HS6ST2: variants seen among roughly 807,000 people sequenced by gnomAD.
HS6ST2 encodes heparan-sulfate 6-O-sulfotransferase 2.
HS6ST2 carries 17 observed loss-of-function variants against 33.0 expected under a neutral mutation model. The observed-to-expected ratio is 0.52, with a 90% CI of 0.35 to 0.77. The LOEUF (loss-of-function observed/expected upper bound fraction) is 0.77, where lower values mean the gene tolerates loss of function less well. HS6ST2 is among the 30% of genes least tolerant of loss of function. HS6ST2 has a pLI of 0.01. For missense variants in HS6ST2, 519 were observed against 551.7 expected, an observed-to-expected ratio of 0.94 and a Z score of 0.59; for synonymous variants, 248 against 237.1, an observed-to-expected ratio of 1.05 and a Z score of -0.42.
chrX:132,649,596 G>A (rs911703497), intron 4 of HS6ST2, among the ~76,000 whole-genome samples: 13 of 112,375 alleles, frequency 1.2e-4, no homozygotes, highest in Non-Finnish European at 2.1e-4. Flanking sequence ...GGTGGCTCAC[G>A]CCTGTAATCC....
intron 4 of HS6ST2, among the ~76,000 whole-genome samples, chrX:132,638,533 G>A (rs925621400): frequency 8.9e-6 from 1 of 112,297 alleles, no homozygotes; most frequent in Non-Finnish European, 1.9e-5. Context: ...TTTACCTAGT[G>A]AGAAGAGTGA....
intron 3 of HS6ST2, among the ~76,000 whole-genome samples, chrX:132,703,939 A>C (rs1031022050): frequency 8.9e-6 from 1 of 112,249 alleles, no homozygotes; most frequent in African/African-American, 3.2e-5. Flanking sequence ...ATAACAAAAA[A>C]AAATGTATTA....
intron 2 of HS6ST2, among the ~76,000 whole-genome samples, chrX:132,799,900 C>G (rs1406201463): frequency 8.9e-6 from 1 of 112,147 alleles, no homozygotes; most frequent in Non-Finnish European, 1.9e-5. Flanking sequence ...AATGATTTAT[C>G]TGCTTCTCTC....
intron 2 of HS6ST2, among the ~76,000 whole-genome samples, chrX:132,787,953 T>C (rs1178965127): frequency 9.0e-6 from 1 of 111,601 alleles, no homozygotes; most frequent in African/African-American, 3.3e-5. Flanking sequence ...CCATCATTCA[T>C]TCATTCATCC....
At chrX:132,871,548 A>T in intron 2 of HS6ST2, among the ~76,000 whole-genome samples, 1 of 112,250 alleles carries the variant, frequency 8.9e-6, no homozygotes, top group Non-Finnish European at 1.9e-5. Flanking sequence ...CATCAATGAC[A>T]GACTGGATAA....
In HS6ST2 at chrX:132,924,629, A is replaced by T. The variant is rs866698626; in HGVS notation, c.947+32179T>A. Among the ~76,000 whole-genome samples, 11 of 111,240 alleles carry T rather than the reference A, an allele frequency of 9.9e-5. No individual in the cohort carries two copies. In the South Asian group the frequency reaches 2.7e-3, roughly 27 times the overall value. On this transcript the variant is annotated intron_variant, in intron 2 of 4. Coordinates refer to ENST00000370833, the MANE Select transcript of HS6ST2 (RefSeq NM_001394073.1). ...GGTTGCCAAGGGAACCAACCATGTG[A>T]TTAGAGGGTTGAAACTTTCAGCCAG...
rs2063491129 is a variant in HS6ST2, at chrX:132,628,091, C to A, written c.*132G>T. Reference sequence around the variant, plus strand: ...CTGAATTGAAAGGCAACTGTAAAGGCAACATCTAAACTTTTTTTTAAAACT... The same window carrying A: ...CTGAATTGAAAGGCAACTGTAAAGGAAACATCTAAACTTTTTTTTAAAACT... On this transcript the variant is annotated 3_prime_UTR_variant, in exon 5 of 5. Transcript: ENST00000370833. The A allele has an allele frequency of 2.1e-6, 1 of 478,434 alleles. No homozygotes were observed. The highest frequency in any genetic ancestry group is 3.5e-6 in the Non-Finnish European group (1 of 284,000). The allele number at this position is 478,434 out of a possible 1,213,427, so 39.4% of individuals were successfully genotyped here. A position where few individuals can be genotyped will look rare whatever the true frequency, so the allele number is the denominator to read the frequency against.
In HS6ST2 at chrX:132,846,482, C is replaced by T. The variant is rs181358316; in HGVS notation, c.947+110326G>A. Among the ~76,000 whole-genome samples, 5 of 112,055 alleles carry T rather than the reference C, an allele frequency of 4.5e-5. No individual in the cohort carries two copies. In the East Asian group the frequency reaches 1.1e-3, roughly 25 times the overall value. Reference sequence around the variant, plus strand: ...GCCAATGTGGTCATTAAGTCAGCAACTCTAGCATTGTTTGGCCTGATACAG... The same window carrying T: ...GCCAATGTGGTCATTAAGTCAGCAATTCTAGCATTGTTTGGCCTGATACAG... On this transcript the variant is annotated intron_variant, in intron 2 of 4. Transcript: ENST00000370833.
At chrX:132,933,654 C>T (rs1602896086) in intron 2 of HS6ST2, among the ~76,000 whole-genome samples, 1 of 111,299 alleles carries the variant, frequency 9.0e-6, no homozygotes, top group Non-Finnish European at 1.9e-5. Flanking sequence ...AAAAAGAGAT[C>T]CTAACACAGA....
intron 4 of HS6ST2, chrX:132,668,530 A>C (rs1272003492): frequency 8.9e-6 from 1 of 111,763 alleles, no homozygotes; most frequent in African/African-American, 3.3e-5. Flanking sequence ...CTAATATCGC[A>C]AATATTCAGC....
chrX:132,645,199 C>A (rs1336685960), intron 4 of HS6ST2, among the ~76,000 whole-genome samples: 1 of 112,405 alleles, frequency 8.9e-6, no homozygotes, highest in Non-Finnish European at 1.9e-5. Flanking sequence ...CCACCAGAAG[C>A]ATTTCCATTT....
chrX:132,711,449 A>G (rs955260956), intron 2 of HS6ST2, among the ~76,000 whole-genome samples: 2 of 111,806 alleles, frequency 1.8e-5, no homozygotes, highest in African/African-American at 6.5e-5. Flanking sequence ...AGGTTTTACC[A>G]ATGACTCATT....
chrX:132,923,173 A>T (rs1200164519), intron 2 of HS6ST2, among the ~76,000 whole-genome samples: 1 of 111,272 alleles, frequency 9.0e-6, no homozygotes, highest in African/African-American at 3.3e-5. Flanking sequence ...AGGATTATGA[A>T]GACCAAAGTT....
chrX:132,952,184 C>G (rs184768920), intron 2 of HS6ST2, among the ~76,000 whole-genome samples: 44 of 112,070 alleles, frequency 3.9e-4, no homozygotes, highest in Non-Finnish European at 3.8e-5. Context: ...TACCTGAGAA[C>G]TTACAGCTTT....
At chrX:132,958,080 G>A (rs966160712) in intron 1 of HS6ST2, 95 bp downstream of exon 1, 4 of 863,193 alleles carry the variant, frequency 4.6e-6, no homozygotes, top group Non-Finnish European at 6.2e-6. Context: ...GGAACTTTAC[G>A]CCCTTCTCTA....
intron 4 of HS6ST2, among the ~76,000 whole-genome samples, chrX:132,643,871 T>G (rs1395107680): frequency 8.9e-6 from 1 of 111,886 alleles, no homozygotes; most frequent in Non-Finnish European, 1.9e-5. Context: ...AGAACCTCCC[T>G]TAGATTCTTC....
intron 2 of HS6ST2, among the ~76,000 whole-genome samples, chrX:132,856,150 C>G (rs2065850659): frequency 8.9e-6 from 1 of 112,056 alleles, no homozygotes; most frequent in Non-Finnish European, 1.9e-5. Flanking sequence ...ATAGTCCCCA[C>G]CCTTATCTGT....
At chrX:132,641,777 G>A (rs1195799853) in intron 4 of HS6ST2, among the ~76,000 whole-genome samples, 4 of 112,933 alleles carry the variant, frequency 3.5e-5, no homozygotes, top group Non-Finnish European at 7.5e-5. Flanking sequence ...ATTTGTGCCT[G>A]AGCACAGCCT....
At chrX:132,714,525 G>C (rs1251886625) in intron 2 of HS6ST2, among the ~76,000 whole-genome samples, 1 of 110,610 alleles carries the variant, frequency 9.0e-6, no homozygotes, top group Non-Finnish European at 1.9e-5. Context: ...TATTGGCCAG[G>C]CTGGTCTGGT....
Sources: gnomAD v4.1 joint callset for allele counts (sites outside exome capture counted in the v4.1 genomes callset) on GRCh38, gnomAD v4.1.1 for gene constraint, MANE v1.5 for transcripts, NCBI Gene and HGNC (gene_info 2026-07-23, HGNC 2026-07-21) for gene names.